CACNA1C: variants seen among roughly 807,000 people sequenced by gnomAD.
CACNA1C encodes calcium voltage-gated channel subunit alpha1 C.
Under a neutral mutation model 229.0 loss-of-function variants are expected in CACNA1C, and 30 were observed. The observed-to-expected ratio is 0.13, with a 90% confidence interval of 0.10 to 0.18. The LOEUF (loss-of-function observed/expected upper bound fraction) is 0.18, where lower values mean the gene tolerates loss of function less well. CACNA1C is among the 10% of genes least tolerant of loss of function. CACNA1C has a pLI of 1.00. For missense variants in CACNA1C, 1,658 were observed against 2,845.0 expected, an observed-to-expected ratio of 0.58 and a Z score of 9.49; for synonymous variants, 1,114 against 1,132.5, an observed-to-expected ratio of 0.98 and a Z score of 0.33.
rs139921646 is a variant in CACNA1C at position 2,421,562 on chromosome 12, G to A, written c.478-27414G>A. On this transcript the variant is annotated intron_variant, in intron 3 of 46. Coordinates refer to ENST00000399655, the MANE Select transcript of CACNA1C (RefSeq NM_000719.7). ...AATTCTATCTCACTACAACATAAGC[G>A]TTCTGTCAGGTGAGCCTGCTAAGTT... Among the ~76,000 whole-genome samples, 9 of 152,274 alleles carry A rather than the reference G, an allele frequency of 5.9e-5. No homozygotes were observed. The East Asian group carries it at 7.7e-4, about 13-fold the overall frequency.
Position 2,395,611 on chromosome 12 carries a change from T to C in CACNA1C, c.478-53365T>C, listed in dbSNP as rs1044331942. On this transcript the variant is annotated intron_variant, in intron 3 of 46. Coordinates refer to ENST00000399655, the MANE Select transcript of CACNA1C (RefSeq NM_000719.7). ...ACAGGGAAAGCAAGTCGGGTCCCTCTGAGCCTCTGGAAGAGCCAAGTGGCT... is the reference window on the plus strand; with the variant it reads ...ACAGGGAAAGCAAGTCGGGTCCCTCCGAGCCTCTGGAAGAGCCAAGTGGCT... Among the ~76,000 whole-genome samples the C allele has an allele frequency of 2.6e-5, 4 of 152,314 alleles. No individual in the cohort carries two copies. The East Asian group carries it at 7.7e-4, about 29-fold the overall frequency.
intron 1 of CACNA1C, among the ~76,000 whole-genome samples, chr12:2,032,263 A>G (rs1010107113): frequency 2.0e-4 from 31 of 152,156 alleles, no homozygotes; most frequent in Middle Eastern, 3.4e-3. Context: ...TTATATCAGT[A>G]TAACTCACAT....
intron 15 of CACNA1C, among the ~76,000 whole-genome samples, chr12:2,584,258 C>T (rs954038332): frequency 1.1e-4 from 17 of 152,246 alleles, no homozygotes; most frequent in Non-Finnish European, 2.5e-4. Flanking sequence ...CTGCCTCCCT[C>T]CCGCCTGCTC....
At chr12:2,565,221 C>T (rs901493667) in intron 11 of CACNA1C, among the ~76,000 whole-genome samples, 1 of 152,238 alleles carries the variant, frequency 6.6e-6, no homozygotes, top group African/African-American at 2.4e-5. Flanking sequence ...GTAATCCCAG[C>T]ACTTTGGGAG....
rs2096905463 is a variant in CACNA1C at position 2,677,933 on chromosome 12, G to A, written c.5091+66G>A. ...CAGTTTGGAGCAAGAGGTTGGGCTG[G>A]GGTTTTGCGGGGAACGTCCAGGGGA... On this transcript the variant is annotated intron_variant, in intron 41 of 46. Transcript: ENST00000399655. This position sits in a 1 kb window ranked among gnomAD's most constrained non-coding sequence, Gnocchi z 7.4. 1.9e-6 allele frequency: 3 copies of A among 1,576,582 alleles called. No homozygotes were observed. Among genetic ancestry groups the A allele is most frequent in the East Asian group, 2.3e-5 (1 of 44,400 alleles).
At chr12:2,390,818 C>T (rs1474707386) in intron 3 of CACNA1C, among the ~76,000 whole-genome samples, 1 of 152,192 alleles carries the variant, frequency 6.6e-6, no homozygotes, top group Non-Finnish European at 1.5e-5. Flanking sequence ...AGGCATCATT[C>T]ATTCTGTGCA....
At chr12:2,556,914 GTCCATCC>G in intron 10 of CACNA1C, 30 bp from the exon 11 acceptor site, 1 of 1,592,762 alleles carries the variant, frequency 6.3e-7, no homozygotes. Context: ...GCACGTGTGT[GTCCATCC>G]TTTGGTAACA....
chr12:2,157,181 G>C (rs1036252063), intron 3 of CACNA1C, among the ~76,000 whole-genome samples: 7 of 152,214 alleles, frequency 4.6e-5, no homozygotes, highest in African/African-American at 1.7e-4. Flanking sequence ...TAATAACTAT[G>C]TGAGGTGGTG....
chr12:2,390,683 A>C (rs740417), intron 3 of CACNA1C, among the ~76,000 whole-genome samples: 51,573 of 151,872 alleles, frequency 0.34, 9,102 homozygotes, highest in Admixed American at 0.39. Context: ...TTTCTTGGGG[A>C]ATAGGGCTGC....
intron 3 of CACNA1C, among the ~76,000 whole-genome samples, chr12:2,396,188 G>T (rs2098568714): frequency 6.6e-6 from 1 of 152,072 alleles, no homozygotes; most frequent in Admixed American, 6.5e-5. Flanking sequence ...ATTTCCTGGG[G>T]TTCTATCTGT....
intron 7 of CACNA1C, among the ~76,000 whole-genome samples, chr12:2,502,709 G>T (rs542021151): frequency 1.3e-5 from 2 of 152,274 alleles, no homozygotes; most frequent in African/African-American, 4.8e-5. Flanking sequence ...AGGTGTCTCG[G>T]TACTTCTCAG....
chr12:2,490,053 G>A lies in CACNA1C; in HGVS notation c.917-3137G>A, dbSNP rs188249471. On this transcript the variant is annotated intron_variant, in intron 6 of 46. Coordinates refer to ENST00000399655, the MANE Select transcript of CACNA1C (RefSeq NM_000719.7). The stretch of plus-strand genomic sequence containing the variant: ...CATTTTTTCAAGTGTTCGCTTTAGC[G>A]CTTTTTATAGATACCTATTTTTACC... Among the ~76,000 whole-genome samples, 28 of 152,328 alleles carry A rather than the reference G, an allele frequency of 1.8e-4. No homozygotes were observed. The East Asian group carries it at 2.1e-3, about 12-fold the overall frequency.
At chr12:2,043,496 T>C (rs1477300930) in intron 1 of CACNA1C, among the ~76,000 whole-genome samples, 1 of 152,112 alleles carries the variant, frequency 6.6e-6, no homozygotes, top group Non-Finnish European at 1.5e-5. Flanking sequence ...TTGAAACAGG[T>C]CTTCCATCTC....
intron 1 of CACNA1C, among the ~76,000 whole-genome samples, chr12:2,103,365 T>TTTATATA (rs2077098907): frequency 1.3e-5 from 2 of 152,360 alleles, no homozygotes; most frequent in African/African-American, 4.8e-5. Flanking sequence ...TATAGTTGCC[T>TTTATATA]GCATAAATGT....
intron 1 of CACNA1C, among the ~76,000 whole-genome samples, chr12:2,017,743 T>C (rs2045638594): frequency 6.6e-6 from 1 of 151,954 alleles, no homozygotes; most frequent in South Asian, 2.1e-4. Flanking sequence ...ATGACTGTGA[T>C]AGTGAGAGGA....
At chr12:2,569,806 C>T (rs1211579210) in intron 13 of CACNA1C, among the ~76,000 whole-genome samples, 2 of 151,998 alleles carry the variant, frequency 1.3e-5, no homozygotes, top group Non-Finnish European at 2.9e-5. Context: ...TGGATAGGTA[C>T]CTCGGAGTGG....
At chr12:2,540,454 T>C (rs548076407) in intron 9 of CACNA1C, among the ~76,000 whole-genome samples, 1 of 152,086 alleles carries the variant, frequency 6.6e-6, no homozygotes, top group East Asian at 1.9e-4. Context: ...GGATGAAATT[T>C]GGATAGATCA....
intron 4 of CACNA1C, 87 bp from the exon 5 acceptor site, chr12:2,457,480 T>A: frequency 6.9e-7 from 1 of 1,454,992 alleles, no homozygotes; most frequent in Non-Finnish European, 9.3e-7. Flanking sequence ...GCAATCTGCT[T>A]TTCCGGGCTG....
At chr12:2,256,071 T>TTGC (rs2077527697) in intron 3 of CACNA1C, among the ~76,000 whole-genome samples, 1 of 152,252 alleles carries the variant, frequency 6.6e-6, no homozygotes, top group African/African-American at 2.4e-5. Context: ...GATCCTGACC[T>TTGC]TACTAGTTTA....
Sources: allele counts gnomAD v4.1 joint callset (sites outside exome capture counted in the v4.1 genomes callset), GRCh38; gene constraint gnomAD v4.1.1; non-coding constraint Gnocchi (gnomAD v3.1); transcripts MANE v1.5; gene names NCBI Gene and HGNC (gene_info 2026-07-23, HGNC 2026-07-21).